The following ST3GAL6 variants were observed in gnomAD, a reference collection of about 807,000 sequenced individuals.
ST3GAL6 encodes the protein ST3 beta-galactoside alpha-2,3-sialyltransferase 6.
ST3GAL6 carries 31 observed loss-of-function variants against 40.5 expected under a neutral mutation model. The ratio of observed to expected loss-of-function variants is 0.77; its 90% CI spans 0.58 to 1.03. ST3GAL6 has a LOEUF of 1.03. Among genes scored for constraint, ST3GAL6 ranks in the 50% least tolerant of loss-of-function variants. The pLI, the probability that ST3GAL6 is intolerant of heterozygous loss-of-function variation, is 0.00. For synonymous variants in ST3GAL6, 129 were observed against 136.9 expected (o/e 0.94, Z 0.40); for missense variants, 357 against 393.2 (o/e 0.91, Z 0.78).
chr3:98,788,259 T>A, intron 7 of ST3GAL6, 37 bp downstream of exon 7: 1 of 1,592,558 alleles, frequency 6.3e-7, no homozygotes, highest in Non-Finnish European at 8.6e-7. Flanking sequence ...CAGATTACCT[T>A]TAGTGCTTTT....
At position 98,791,824 on chromosome 3, in the gene ST3GAL6, T is replaced by A. The variant is rs749412146; in HGVS notation, c.757-17T>A. On this transcript the variant is annotated splice_polypyrimidine_tract_variant and intron_variant, in intron 8 of 9. Coordinates refer to ENST00000483910, the MANE Select transcript of ST3GAL6 (RefSeq NM_001323368.2). ...GCTCCTTTTGCTTAAAAAAGTTTTT[T>A]TCATCCCCTCCCCCAGAAACCTAAA... The A allele has an allele frequency of 1.5e-5, 24 of 1,591,824 alleles. No individual in the cohort carries two copies. Among genetic ancestry groups the A allele is most frequent in the Admixed American group, 3.5e-5 (2 of 56,704 alleles).
rs141411742 is a variant in ST3GAL6 at position 98,775,258 on chromosome 3, C to T, written c.335+1275C>T. 5.9e-5 allele frequency among the ~76,000 whole-genome samples: 9 copies of T among 152,152 alleles called. No individual in the cohort carries two copies. The East Asian group carries it at 1.5e-3, about 26-fold the overall frequency. ...CTTTGGGAAGCTGAGGCGGGCAGAT[C>T]GTGAGGTCGGAGTTCGAGACCAGCC... On this transcript the variant is annotated intron_variant, in intron 5 of 9. Coordinates refer to ENST00000483910, the MANE Select transcript of ST3GAL6 (RefSeq NM_001323368.2).
intron 1 of ST3GAL6, among the ~76,000 whole-genome samples, chr3:98,752,592 C>T (rs1937090743): frequency 6.6e-6 from 1 of 152,164 alleles, no homozygotes; most frequent in Non-Finnish European, 1.5e-5. Flanking sequence ...CTGCCTCAGC[C>T]TCGCGAGTAG....
chr3:98,740,426 T>C (rs746594938), intron 1 of ST3GAL6, among the ~76,000 whole-genome samples: 1 of 152,190 alleles, frequency 6.6e-6, no homozygotes, highest in African/African-American at 2.4e-5. Flanking sequence ...CTTATGTTGC[T>C]AACTTTCTTT....
Position 98,793,869 on chromosome 3 carries a change from CT to C in ST3GAL6, c.*109del, listed in dbSNP as rs1452232216. ...CTCGTCAAATAATTATGTATACTGT[CT>C]GTTGCTGCCTGGTGATTCATAACCA... On this transcript the variant is annotated 3_prime_UTR_variant, in exon 10 of 10. Coordinates refer to ENST00000483910, the MANE Select transcript of ST3GAL6 (RefSeq NM_001323368.2). 3.8e-6 allele frequency: 2 copies of C among 531,416 alleles called. No homozygotes were observed. Among genetic ancestry groups the C allele is most frequent in the African/African-American group, 3.9e-5 (2 of 50,810 alleles). The allele number at this position is 531,416 out of a possible 1,614,324, so 32.9% of individuals were successfully genotyped here. A position where few individuals can be genotyped will look rare whatever the true frequency, so the allele number is the denominator to read the frequency against.
At chr3:98,789,521 C>T (rs1031764982) in intron 8 of ST3GAL6, among the ~76,000 whole-genome samples, 1 of 152,092 alleles carries the variant, frequency 6.6e-6, no homozygotes. Context: ...TTTAACTCTT[C>T]CCCTATTTAT....
upstream of ST3GAL6, among the ~76,000 whole-genome samples, chr3:98,761,537 G>A (rs527733117): frequency 9.9e-5 from 15 of 151,874 alleles, no homozygotes; most frequent in East Asian, 2.1e-3. Context: ...TTGAACCCGG[G>A]TGGTGGAGGT....
At chr3:98,793,276 C>T (rs912632412) in intron 9 of ST3GAL6, among the ~76,000 whole-genome samples, 2 of 152,198 alleles carry the variant, frequency 1.3e-5, no homozygotes, top group Non-Finnish European at 2.9e-5. Flanking sequence ...ATTTTTAACA[C>T]ATCTTAAACT....
At chr3:98,757,479 C>T (rs1222414863) in intron 1 of ST3GAL6, among the ~76,000 whole-genome samples, 1 of 152,116 alleles carries the variant, frequency 6.6e-6, no homozygotes, top group Non-Finnish European at 1.5e-5. Flanking sequence ...GGTTTTACTG[C>T]CAGCAACACC....
chr3:98,736,875 A>G (rs924720636), intron 1 of ST3GAL6, among the ~76,000 whole-genome samples: 1 of 152,182 alleles, frequency 6.6e-6, no homozygotes, highest in East Asian at 1.9e-4. Context: ...GGTTAAGACA[A>G]TATGTAGTTA....
intron 8 of ST3GAL6, among the ~76,000 whole-genome samples, chr3:98,790,066 G>C (rs1329772950): frequency 6.6e-6 from 1 of 152,190 alleles, no homozygotes; most frequent in Non-Finnish European, 1.5e-5. Context: ...GAATTGGGTT[G>C]AAGAGAACCT....
rs116986355 is a variant in ST3GAL6, at chr3:98,747,877, T to C, written c.-12+15345T>C. On this transcript the variant is annotated intron_variant, in intron 1 of 9. Coordinates refer to the ST3GAL6 transcript ENST00000265261. The stretch of plus-strand genomic sequence containing the variant: ...GGGGACTGACTATGTATCAAATCCA[T>C]GATACTGGGAGGAGAGGAATGGGGG... Among the ~76,000 whole-genome samples the C allele has an allele frequency of 9.3e-4, 142 of 152,306 alleles. 3 individuals carry two copies. In the East Asian group the frequency reaches 0.026, roughly 28 times the overall value.
intron 1 of ST3GAL6, among the ~76,000 whole-genome samples, chr3:98,754,043 T>G (rs547494654): frequency 6.6e-6 from 1 of 152,346 alleles, no homozygotes; most frequent in South Asian, 2.1e-4. Context: ...CAAGGAATAA[T>G]TTCAACATTC....
intron 5 of ST3GAL6, chr3:98,784,616 T>C (rs1341807067): frequency 4.4e-6 from 1 of 226,528 alleles, no homozygotes; most frequent in Non-Finnish European, 8.8e-6. Flanking sequence ...CTTTAAAATG[T>C]TACATAATAG....
chr3:98,773,843 G>GA, intron 4 of ST3GAL6, 77 bp from the exon 5 acceptor site: 1 of 1,162,280 alleles, frequency 8.6e-7, no homozygotes, highest in Non-Finnish European at 1.3e-6. Context: ...GTTTGTGTGG[G>GA]AGGGAGTAAG....
rs1190297212 is a variant in ST3GAL6 at position 98,788,018 on chromosome 3, A to G, written c.432-18A>G. On this transcript the variant is annotated intron_variant, in intron 6 of 9. Coordinates refer to ENST00000483910, the MANE Select transcript of ST3GAL6 (RefSeq NM_001323368.2). Reference sequence around the variant, plus strand: ...ACTGCACTTGGTCTACATATCTTGTATGTTTTACTATCCACAGAATGAATA... The same window carrying G: ...ACTGCACTTGGTCTACATATCTTGTGTGTTTTACTATCCACAGAATGAATA... The G allele has an allele frequency of 1.9e-6, 3 of 1,605,048 alleles. No homozygotes were observed. The highest frequency in any genetic ancestry group is 1.7e-5 in the Admixed American group (1 of 59,326).
chr3:98,769,357 A>G (rs913014839), intron 2 of ST3GAL6, among the ~76,000 whole-genome samples: 1 of 152,236 alleles, frequency 6.6e-6, no homozygotes, highest in Non-Finnish European at 1.5e-5. Flanking sequence ...CCAGGTGGAT[A>G]GTTTTGGCCC....
intron 3 of ST3GAL6, chr3:98,771,199 A>G (rs1938951278): frequency 7.1e-7 from 1 of 1,412,458 alleles, no homozygotes; most frequent in African/African-American, 1.4e-5. Context: ...AGGTGAGGCT[A>G]GAGAGGTCTA....
At chr3:98,751,625 G>A (rs1362471269) in intron 1 of ST3GAL6, among the ~76,000 whole-genome samples, 1 of 152,072 alleles carries the variant, frequency 6.6e-6, no homozygotes, top group Non-Finnish European at 1.5e-5. Flanking sequence ...ATGCCTTTCA[G>A]TACAGTACAT....
Sources: allele counts gnomAD v4.1 joint callset (sites outside exome capture counted in the v4.1 genomes callset), GRCh38; gene constraint gnomAD v4.1.1; transcripts MANE v1.5; gene names NCBI Gene and HGNC (gene_info 2026-07-23, HGNC 2026-07-21).